CADPS: variants seen among roughly 807,000 people sequenced by gnomAD.
CADPS encodes the protein calcium dependent secretion activator.
A neutral mutation model predicts 167.3 loss-of-function variants in CADPS; 57 were observed. The ratio of observed to expected loss-of-function variants is 0.34; its 90% CI spans 0.28 to 0.42. CADPS has a LOEUF of 0.42. Ranked by LOEUF, CADPS falls within the 20% of genes least tolerant of loss-of-function variation. CADPS has a pLI of 1.00. For synonymous variants in CADPS, 676 were observed against 635.3 expected (o/e 1.06, Z -0.96); for missense variants, 1,414 against 1,738.1 (o/e 0.81, Z 3.32).
chr3:62,681,408 T>C (rs1385531138), intron 3 of CADPS, among the ~76,000 whole-genome samples: 5 of 152,094 alleles, frequency 3.3e-5, no homozygotes. Context: ...CATCATAACC[T>C]TAGAGACTGG....
At chr3:62,868,869 A>AAATT (rs2082154841) in intron 1 of CADPS, among the ~76,000 whole-genome samples, 1 of 152,132 alleles carries the variant, frequency 6.6e-6, no homozygotes, top group East Asian at 1.9e-4. Context: ...AGGACATTAG[A>AAATT]AATTATCCAA....
chr3:62,445,908 G>T, intron 26 of CADPS, 111 bp from the exon 27 acceptor site: 1 of 690,930 alleles, frequency 1.4e-6, no homozygotes, highest in Non-Finnish European at 2.2e-6. Flanking sequence ...ACATGGAGCT[G>T]ACCAGGAAAA....
At chr3:62,686,930 C>T (rs1257977850) in intron 3 of CADPS, among the ~76,000 whole-genome samples, 2 of 152,144 alleles carry the variant, frequency 1.3e-5, no homozygotes, top group South Asian at 2.1e-4. Flanking sequence ...TTTGTTCCTC[C>T]CCACATAGTA....
At position 62,635,221 on chromosome 3, in the gene CADPS, T is replaced by C. The variant is rs72874444; in HGVS notation, c.1325+10501A>G. Reference sequence around the variant, plus strand: ...CCTAATTCTGCTCTTGGGGTAGAAATAGGTTGAGTGATTTGACACAGCAGG... The same window carrying C: ...CCTAATTCTGCTCTTGGGGTAGAAACAGGTTGAGTGATTTGACACAGCAGG... On this transcript the variant is annotated intron_variant, in intron 6 of 29. Transcript: ENST00000383710. Among the ~76,000 whole-genome samples, 958 of 152,200 alleles carry C rather than the reference T, an allele frequency of 6.3e-3. 13 individuals carry two copies. The highest frequency in any genetic ancestry group is 0.022 in the African/African-American group (905 of 41,526).
intron 8 of CADPS, among the ~76,000 whole-genome samples, chr3:62,576,081 C>T (rs894695034): frequency 1.3e-5 from 2 of 152,178 alleles, no homozygotes; most frequent in Admixed American, 6.5e-5. Flanking sequence ...TGCAGACATA[C>T]AGGTGGCTTC....
intron 1 of CADPS, among the ~76,000 whole-genome samples, chr3:62,857,027 T>C (rs576152271): frequency 6.6e-6 from 1 of 152,164 alleles, no homozygotes; most frequent in African/African-American, 2.4e-5. Flanking sequence ...GACATAAATA[T>C]GTCGAACAAC....
chr3:62,812,724 T>G (rs1239784243), intron 1 of CADPS, among the ~76,000 whole-genome samples: 1 of 152,192 alleles, frequency 6.6e-6, no homozygotes, highest in Non-Finnish European at 1.5e-5. Context: ...TTTTAGGAAA[T>G]TGATGTTGGA....
Position 62,837,705 on chromosome 3 carries a change from A to C in CADPS, c.441+36884T>G, listed in dbSNP as rs138691655. On this transcript the variant is annotated intron_variant, in intron 1 of 29. Coordinates refer to ENST00000383710, the MANE Select transcript of CADPS (RefSeq NM_003716.4). ...ACATTAGAAGGTCACAGCACATCCT[A>C]TCATAGAGCAAAGAGTATGAACTGT... 3.9e-4 allele frequency among the ~76,000 whole-genome samples: 59 copies of C among 152,308 alleles called. 2 individuals are homozygous for C. The highest frequency in any genetic ancestry group is 1.4e-3 in the African/African-American group (57 of 41,574).
At chr3:62,527,458 G>A (rs1003851487) in intron 13 of CADPS, among the ~76,000 whole-genome samples, 6 of 151,924 alleles carry the variant, frequency 3.9e-5, no homozygotes, top group African/African-American at 1.5e-4. Flanking sequence ...CTGGGGGTGG[G>A]GGGTGGGGGA....
At chr3:62,718,803 G>C (rs1290797570) in intron 3 of CADPS, among the ~76,000 whole-genome samples, 1 of 152,214 alleles carries the variant, frequency 6.6e-6, no homozygotes, top group African/African-American at 2.4e-5. Context: ...ACTGCTGTGC[G>C]TGGATATCAC....
intron 7 of CADPS, among the ~76,000 whole-genome samples, chr3:62,587,270 G>A (rs941133474): frequency 3.3e-5 from 5 of 152,194 alleles, no homozygotes; most frequent in African/African-American, 1.2e-4. Flanking sequence ...TCACTTAACT[G>A]GCACCAGAGA....
intron 1 of CADPS, among the ~76,000 whole-genome samples, chr3:62,783,361 ACT>A (rs1288418952): frequency 1.3e-5 from 2 of 151,712 alleles, no homozygotes; most frequent in African/African-American, 4.8e-5. Flanking sequence ...ACTTCCTAAA[ACT>A]CTGTATTTAT....
chr3:62,607,214 A>G (rs2060812210), intron 6 of CADPS, among the ~76,000 whole-genome samples: 1 of 152,304 alleles, frequency 6.6e-6, no homozygotes, highest in Admixed American at 6.5e-5. Flanking sequence ...ACACCTGCCT[A>G]ATGACTTTAG....
At chr3:62,704,069 TG>T (rs1271281370) in intron 3 of CADPS, among the ~76,000 whole-genome samples, 1 of 152,094 alleles carries the variant, frequency 6.6e-6, no homozygotes, top group Non-Finnish European at 1.5e-5. Flanking sequence ...TTTTAGGTAC[TG>T]GGGACATAGC....
At position 62,602,279 on chromosome 3, in the gene CADPS, G is replaced by A. The variant is rs539001031; in HGVS notation, c.1326-9531C>T. 4.6e-4 allele frequency among the ~76,000 whole-genome samples: 69 copies of A among 150,388 alleles called. No homozygotes were observed. The highest frequency in any genetic ancestry group is 8.0e-4 in the Non-Finnish European group (54 of 67,606). ...GTTGGTGCTGGGGTCGGGGGTGGGG[G>A]GATGTCATTAGTTGCCATGGTGATG... On this transcript the variant is annotated intron_variant, in intron 6 of 29. Coordinates refer to ENST00000383710, the MANE Select transcript of CADPS (RefSeq NM_003716.4). The surrounding 1 kb of genome is among the most constrained non-coding windows in gnomAD (Gnocchi z 4.4).
At chr3:62,466,467 T>C (rs1002629783) in intron 24 of CADPS, 54 bp from the exon 25 acceptor site, 1 of 1,138,098 alleles carries the variant, frequency 8.8e-7, no homozygotes, top group Non-Finnish European at 1.3e-6. Context: ...TGGCACTGCA[T>C]CCGTCAGTAA....
intron 11 of CADPS, among the ~76,000 whole-genome samples, chr3:62,548,663 T>A (rs1347713278): frequency 6.6e-6 from 1 of 152,236 alleles, no homozygotes; most frequent in Non-Finnish European, 1.5e-5. Context: ...TCCACCCACA[T>A]CCATATTCTG....
At chr3:62,459,471 G>A (rs192552677) in intron 26 of CADPS, among the ~76,000 whole-genome samples, 83 of 152,246 alleles carry the variant, frequency 5.5e-4, no homozygotes, top group Admixed American at 9.2e-4. Flanking sequence ...CACAAGGAAC[G>A]TCTAGTTCCT....
chr3:62,670,338 G>T (rs763148149), intron 3 of CADPS, among the ~76,000 whole-genome samples: 5 of 152,132 alleles, frequency 3.3e-5, no homozygotes, highest in Non-Finnish European at 7.4e-5. Flanking sequence ...ATGGAGTTCG[G>T]TCTCCCATGC....
Sources: allele counts gnomAD v4.1 joint callset (sites outside exome capture counted in the v4.1 genomes callset), GRCh38; gene constraint gnomAD v4.1.1; non-coding constraint Gnocchi (gnomAD v3.1); transcripts MANE v1.5; gene names NCBI Gene and HGNC (gene_info 2026-07-23, HGNC 2026-07-21).